The following AGBL1 variants were observed in gnomAD, a reference collection of about 807,000 sequenced individuals.
The protein encoded by AGBL1 is cytosolic carboxypeptidase 4.
AGBL1 carries 130 observed loss-of-function variants against 118.9 expected under a neutral mutation model. The ratio of observed to expected loss-of-function variants is 1.09; its 90% CI spans 0.95 to 1.26. The LOEUF (loss-of-function observed/expected upper bound fraction) is 1.26. Among genes scored for constraint, AGBL1 ranks in the 50% most tolerant of loss-of-function variants. AGBL1 has a pLI of 0.00. For missense variants in AGBL1, 1,584 were observed against 1,298.1 expected (o/e 1.22, Z -3.38); for synonymous variants, 555 against 478.9 (o/e 1.16, Z -2.08).
At chr15:86,974,021 A>G (rs1463926019) in intron 23 of AGBL1, among the ~76,000 whole-genome samples, 3 of 136,136 alleles carry the variant, frequency 2.2e-5, no homozygotes, top group Non-Finnish European at 4.7e-5. Flanking sequence ...TATTTAATAT[A>G]TTAAATATAA....
intron 18 of AGBL1, among the ~76,000 whole-genome samples, chr15:86,466,719 T>C (rs565920430): frequency 1.3e-5 from 2 of 152,268 alleles, no homozygotes; most frequent in Non-Finnish European, 2.9e-5. Context: ...TATTGCTTTC[T>C]GTTTGTTAGT....
rs115038464 is a variant in AGBL1 at position 86,709,850 on chromosome 15, C to T, written c.3158+35414C>T. On this transcript the variant is annotated intron_variant, in intron 22 of 22. Coordinates refer to ENST00000614907, the MANE Select transcript of AGBL1 (RefSeq NM_001386094.1). ...AAAGTTTCTATCATAGAGTCTGGCCCATAGTAAATGCTTAATGAAATGTAC... is the reference window on the plus strand; with the variant it reads ...AAAGTTTCTATCATAGAGTCTGGCCTATAGTAAATGCTTAATGAAATGTAC... Among the ~76,000 whole-genome samples, 613 of 152,278 alleles carry T rather than the reference C, an allele frequency of 4.0e-3. 3 individuals are homozygous for T. Among genetic ancestry groups the T allele is most frequent in the African/African-American group, 0.014 (575 of 41,564 alleles).
chr15:86,789,270 C>G (rs2078458299), intron 22 of AGBL1, among the ~76,000 whole-genome samples: 1 of 152,208 alleles, frequency 6.6e-6, no homozygotes, highest in Admixed American at 6.5e-5. Flanking sequence ...TCACATCATG[C>G]AACAATGAAA....
intron 18 of AGBL1, among the ~76,000 whole-genome samples, chr15:86,483,087 G>T (rs2082672736): frequency 6.6e-6 from 1 of 152,050 alleles, no homozygotes; most frequent in Non-Finnish European, 1.5e-5. Context: ...TCATGAATAT[G>T]TATAAAAGGA....
chr15:86,548,590 GAC>G (rs539044089), intron 20 of AGBL1, among the ~76,000 whole-genome samples: 96 of 151,532 alleles, frequency 6.3e-4, no homozygotes, highest in African/African-American at 1.9e-3. Flanking sequence ...GGCTGCTCCT[GAC>G]ACCACTCTAT....
At position 86,569,874 on chromosome 15, in the gene AGBL1, T is replaced by A. The variant is rs559045456; in HGVS notation, c.2994+15337T>A. On this transcript the variant is annotated intron_variant, in intron 21 of 22. Coordinates refer to ENST00000614907, the MANE Select transcript of AGBL1 (RefSeq NM_001386094.1). The stretch of plus-strand genomic sequence containing the variant: ...GGCACTTGGGATAATCCTATGAGCC[T>A]CAAAAGACCTATGATCTTTTAAAAA... Among the ~76,000 whole-genome samples the A allele has an allele frequency of 7.2e-5, 11 of 152,296 alleles. No individual in the cohort carries two copies. The East Asian group carries it at 2.1e-3, about 29-fold the overall frequency.
intron 17 of AGBL1, among the ~76,000 whole-genome samples, chr15:86,302,150 A>T (rs2079756872): frequency 6.6e-6 from 1 of 152,056 alleles, no homozygotes; most frequent in Non-Finnish European, 1.5e-5. Context: ...GAAGTCAGGA[A>T]TCCTTCCTCC....
At chr15:87,015,668 T>C (rs1297571278) in intron 24 of AGBL1, among the ~76,000 whole-genome samples, 1 of 152,180 alleles carries the variant, frequency 6.6e-6, no homozygotes, top group Non-Finnish European at 1.5e-5. Context: ...AAGCATTTTA[T>C]GGCTTATTTC....
At chr15:86,906,234 C>T (rs1167689095) in intron 22 of AGBL1, among the ~76,000 whole-genome samples, 1 of 152,214 alleles carries the variant, frequency 6.6e-6, no homozygotes. Flanking sequence ...AGAAAGTCTT[C>T]AGGAAAGAAG....
intron 22 of AGBL1, among the ~76,000 whole-genome samples, chr15:86,792,304 T>G (rs1167601851): frequency 6.6e-6 from 1 of 152,202 alleles, no homozygotes; most frequent in Non-Finnish European, 1.5e-5. Flanking sequence ...CTAATTTGAT[T>G]AATCTGGGTA....
chr15:86,832,715 A>G (rs1417811943), intron 22 of AGBL1, among the ~76,000 whole-genome samples: 1 of 152,190 alleles, frequency 6.6e-6, no homozygotes, highest in African/African-American at 2.4e-5. Context: ...AGGTCTAGGA[A>G]GTTTCAAACT....
At chr15:86,724,099 G>A (rs550216510) in intron 22 of AGBL1, among the ~76,000 whole-genome samples, 17 of 152,156 alleles carry the variant, frequency 1.1e-4, no homozygotes, top group South Asian at 4.2e-4. Context: ...AGCCGGGTGC[G>A]GTGGCGGGCG....
rs139270174 is a variant in AGBL1, at chr15:86,911,075, C to G, written c.*3781C>G. ...CAAATTCAAAGCCAAACTAAGATGA[C>G]CCAAGAATTCCAAGGAGTTGTAGGC... On this transcript the variant is annotated 3_prime_UTR_variant, in exon 23 of 23. Coordinates refer to ENST00000614907, the MANE Select transcript of AGBL1 (RefSeq NM_001386094.1). 1 of 152,358 alleles carries G rather than the reference C, an allele frequency of 6.6e-6. No homozygotes were observed. Among genetic ancestry groups the G allele is most frequent in the African/African-American group, 2.4e-5 (1 of 41,544 alleles). The allele number at this position is 152,358 out of a possible 1,614,324, so 9.4% of individuals were successfully genotyped here.
chr15:86,392,731 G>T (rs927343597), intron 17 of AGBL1, among the ~76,000 whole-genome samples: 1 of 152,134 alleles, frequency 6.6e-6, no homozygotes, highest in Non-Finnish European at 1.5e-5. Context: ...TTTTACAGAT[G>T]TCATTACCAC....
chr15:87,021,422 G>A (rs756791500), intron 24 of AGBL1, among the ~76,000 whole-genome samples: 6 of 152,100 alleles, frequency 3.9e-5, no homozygotes, highest in Non-Finnish European at 7.4e-5. Flanking sequence ...ATACCATTTA[G>A]GAAATAGGCA....
chr15:86,693,530 G>A (rs2086208048), intron 22 of AGBL1, among the ~76,000 whole-genome samples: 1 of 151,980 alleles, frequency 6.6e-6, no homozygotes, highest in Non-Finnish European at 1.5e-5. Context: ...AGATTGTGAA[G>A]ATATTCTCCC....
At chr15:86,343,435 G>T (rs1469313531) in intron 17 of AGBL1, among the ~76,000 whole-genome samples, 1 of 152,050 alleles carries the variant, frequency 6.6e-6, no homozygotes, top group East Asian at 1.9e-4. Context: ...CTAGCCCCAG[G>T]ATCCTGTACT....
At chr15:86,600,443 A>G (rs1463497544) in intron 21 of AGBL1, among the ~76,000 whole-genome samples, 1 of 152,162 alleles carries the variant, frequency 6.6e-6, no homozygotes, top group Non-Finnish European at 1.5e-5. Context: ...AAGGTCTTGC[A>G]AAAGGACTAT....
chr15:86,849,619 A>G (rs1021562733), intron 22 of AGBL1, among the ~76,000 whole-genome samples: 1 of 149,792 alleles, frequency 6.7e-6, no homozygotes, highest in Non-Finnish European at 1.5e-5. Context: ...GGACCTTATT[A>G]TGGATAAAAG....
Sources: allele counts gnomAD v4.1 joint callset (sites outside exome capture counted in the v4.1 genomes callset), GRCh38; gene constraint gnomAD v4.1.1; transcripts MANE v1.5; gene names NCBI Gene and HGNC (gene_info 2026-07-23, HGNC 2026-07-21).